The following PARVB variants were observed in gnomAD, a reference collection of about 807,000 sequenced individuals.
PARVB encodes parvin beta.
A neutral mutation model predicts 47.0 loss-of-function variants in PARVB; 46 were observed. The observed-to-expected ratio is 0.98, with a 90% CI of 0.77 to 1.25. PARVB has a LOEUF of 1.25. Ranked by LOEUF, PARVB falls within the 50% of genes most tolerant of loss-of-function variation. The pLI, the probability that PARVB is intolerant of heterozygous loss-of-function variation, is 0.00. For missense variants in PARVB, 473 were observed against 471.6 expected (o/e 1.00, Z -0.03); for synonymous variants, 196 against 196.3 (o/e 1.00, Z 0.01).
At chr22:44,041,200 A>G (rs2051013335) in intron 1 of PARVB, among the ~76,000 whole-genome samples, 1 of 151,990 alleles carries the variant, frequency 6.6e-6, no homozygotes, top group South Asian at 2.1e-4. Context: ...GTTCACTTCA[A>G]ACTTTACTTG....
At chr22:44,131,426 G>A in intron 4 of PARVB, 61 bp from the exon 5 acceptor site, 2 of 1,578,222 alleles carry the variant, frequency 1.3e-6, no homozygotes, top group Admixed American at 1.7e-5. Context: ...ACAGGCATGA[G>A]CCACTGCGCC....
intron 6 of PARVB, among the ~76,000 whole-genome samples, chr22:44,135,955 G>C (rs1040127534): frequency 6.6e-6 from 1 of 152,236 alleles, no homozygotes; most frequent in Non-Finnish European, 1.5e-5. Flanking sequence ...CATAATCCAT[G>C]ATGACCTCAT....
chr22:44,103,337 A>C lies in PARVB; in HGVS notation c.273+3214A>C, dbSNP rs6006643. ...ATGTGGGCTTCTGAGACCATGGCTCATGGAGATGGGCTGCATGGCTGATCA... is the reference window on the plus strand; with the variant it reads ...ATGTGGGCTTCTGAGACCATGGCTCCTGGAGATGGGCTGCATGGCTGATCA... On this transcript the variant is annotated intron_variant, in intron 3 of 12. Transcript: ENST00000338758. The surrounding 1 kb of genome is among the most constrained non-coding windows in gnomAD (Gnocchi z 4.6). The C allele has an allele frequency of 0.11, 17,008 of 152,240 alleles. 1,472 individuals are homozygous for C. Among genetic ancestry groups the C allele is most frequent in the African/African-American group, 0.24 (9,937 of 41,488 alleles). 9.4% of individuals were successfully genotyped at this position (152,240 alleles called of 1,614,324 possible). A position where few individuals can be genotyped will look rare whatever the true frequency, so the allele number is the denominator to read the frequency against.
Position 44,094,029 on chromosome 22 carries a change from C to T in PARVB, c.202+12C>T, listed in dbSNP as rs1207634152. 6.6e-7 allele frequency: 1 copy of T among 1,507,008 alleles called. No homozygotes were observed. The allele number at this position is 1,507,008 out of a possible 1,614,324, so 93.4% of individuals were successfully genotyped here. A position where few individuals can be genotyped will look rare whatever the true frequency, so the allele number is the denominator to read the frequency against. The stretch of plus-strand genomic sequence containing the variant: ...AGACACCCAGCTTGGTACGGGGGTT[C>T]CTCCGCTCCCTGCCCTGAGACAGTT... On this transcript the variant is annotated intron_variant, in intron 2 of 12. Transcript: ENST00000338758.
At chr22:44,000,158 T>A (rs1401821939) in intron 2 of PARVB, among the ~76,000 whole-genome samples, 1 of 152,220 alleles carries the variant, frequency 6.6e-6, no homozygotes, top group Non-Finnish European at 1.5e-5. Flanking sequence ...AGCAATAGAT[T>A]CCACTCTTAG....
intron 3 of PARVB, chr22:44,110,179 C>G (rs2052664244): frequency 6.8e-6 from 1 of 147,784 alleles, no homozygotes; most frequent in South Asian, 2.2e-4. Flanking sequence ...TGAGCCCCTT[C>G]TGTGGGTCTG....
At chr22:44,107,328 T>C (rs1239324560) in intron 3 of PARVB, 1 of 152,252 alleles carries the variant, frequency 6.6e-6, no homozygotes, top group African/African-American at 2.4e-5. Context: ...AAATTTTTAA[T>C]GATTCTTAAA....
intron 11 of PARVB, among the ~76,000 whole-genome samples, chr22:44,163,139 C>T (rs904916302): frequency 6.6e-5 from 10 of 152,208 alleles, no homozygotes. Flanking sequence ...GCACGGGACT[C>T]ATCCTTTCTG....
At chr22:44,058,218 A>G in intron 1 of PARVB, among the ~76,000 whole-genome samples, 1 of 152,208 alleles carries the variant, frequency 6.6e-6, no homozygotes, top group East Asian at 1.9e-4. Flanking sequence ...TCAAGGTGTC[A>G]GCAGGGCCTT....
At position 44,170,752 on chromosome 22, in the gene PARVB, C is replaced by T. The variant is rs1601718982; in HGVS notation, c.*2074C>T. 2 of 152,256 alleles carry T rather than the reference C, an allele frequency of 1.3e-5. No individual in the cohort carries two copies. Among genetic ancestry groups the T allele is most frequent in the African/African-American group, 4.8e-5 (2 of 41,438 alleles). The allele number at this position is 152,256 out of a possible 1,614,324, so 9.4% of individuals were successfully genotyped here. The stretch of plus-strand genomic sequence containing the variant: ...GGGTGCACCTGCTGCAAAGCAGCCC[C>T]CTTCCTTGGCATCTCTCAGCATTCT... On this transcript the variant is annotated 3_prime_UTR_variant, in exon 13 of 13. Transcript: ENST00000338758.
chr22:44,113,609 T>C (rs2052771250), intron 3 of PARVB: 3 of 51,810 alleles, frequency 5.8e-5, no homozygotes, highest in Non-Finnish European at 1.1e-4. Flanking sequence ...ACATTGTTAC[T>C]AACTAAGGCC....
At chr22:44,061,373 G>A (rs1475862181) in intron 1 of PARVB, among the ~76,000 whole-genome samples, 2 of 149,100 alleles carry the variant, frequency 1.3e-5, no homozygotes, top group African/African-American at 2.5e-5. Flanking sequence ...AGAGGTTGCA[G>A]TGAGCCGAAG....
chr22:44,007,282 TG>T (rs1046238061), intron 2 of PARVB, among the ~76,000 whole-genome samples: 1 of 125,070 alleles, frequency 8.0e-6, no homozygotes, highest in Non-Finnish European at 1.7e-5. Context: ...GAAGGTGGGC[TG>T]GGGGGAGTGG....
rs918566518 is a variant in PARVB, at chr22:44,168,719, A to G, written c.*41A>G. 7.2e-7 allele frequency: 1 copy of G among 1,387,408 alleles called. No individual in the cohort carries two copies. The highest frequency in any genetic ancestry group is 1.0e-6 in the Non-Finnish European group (1 of 973,544). The allele number at this position is 1,387,408 out of a possible 1,614,324, so 85.9% of individuals were successfully genotyped here. A position where few individuals can be genotyped will look rare whatever the true frequency, so the allele number is the denominator to read the frequency against. Reference sequence around the variant, plus strand: ...TGGTGGCAGGAGTGTCCCAGCAAGAAAGGCGGCATCCGTCTGTGCCCTGTG... The same window carrying G: ...TGGTGGCAGGAGTGTCCCAGCAAGAGAGGCGGCATCCGTCTGTGCCCTGTG... On this transcript the variant is annotated 3_prime_UTR_variant, in exon 13 of 13. Coordinates refer to ENST00000338758, the MANE Select transcript of PARVB (RefSeq NM_013327.5).
intron 1 of PARVB, among the ~76,000 whole-genome samples, chr22:44,074,528 C>T (rs537405585): frequency 3.9e-5 from 6 of 152,310 alleles, no homozygotes; most frequent in African/African-American, 1.4e-4. Flanking sequence ...GTTTCCATGG[C>T]AACCCTAGGT....
chr22:44,055,313 A>G (rs1053144984), intron 1 of PARVB, among the ~76,000 whole-genome samples: 2 of 151,806 alleles, frequency 1.3e-5, no homozygotes, highest in Admixed American at 6.6e-5. Flanking sequence ...CTGGAGAAAC[A>G]GAACCAATGG....
chr22:44,038,055 C>A (rs190086989), intron 1 of PARVB, among the ~76,000 whole-genome samples: 1 of 152,240 alleles, frequency 6.6e-6, no homozygotes, highest in South Asian at 2.1e-4. Flanking sequence ...AAAGCCCTCA[C>A]GTCCCCTGTT....
chr22:44,158,817 G>T (rs1465833896), intron 11 of PARVB, among the ~76,000 whole-genome samples: 1 of 152,216 alleles, frequency 6.6e-6, no homozygotes, highest in African/African-American at 2.4e-5. Flanking sequence ...ATGTTGCTTT[G>T]GATTCATGGG....
chr22:44,086,201 C>A (rs765550070), intron 1 of PARVB, among the ~76,000 whole-genome samples: 20 of 152,162 alleles, frequency 1.3e-4, no homozygotes, highest in Admixed American at 4.6e-4. Flanking sequence ...TTACCCTGGG[C>A]CGGCATCCTG....
Sources: gnomAD v4.1 joint callset for allele counts (sites outside exome capture counted in the v4.1 genomes callset) on GRCh38, gnomAD v4.1.1 for gene constraint, Gnocchi (gnomAD v3.1) non-coding constraint, MANE v1.5 for transcripts, NCBI Gene and HGNC (gene_info 2026-07-23, HGNC 2026-07-21) for gene names.